Variants in INPP4A observed in about 807,000 individuals in gnomAD.
INPP4A encodes the protein inositol polyphosphate-4-phosphatase type I A, also known as inositol polyphosphate-4-phosphatase, type I, 107kD.
A neutral mutation model predicts 119.8 loss-of-function variants in INPP4A; 33 were observed. The ratio of observed to expected loss-of-function variants is 0.28; its 90% CI spans 0.21 to 0.37. The LOEUF (loss-of-function observed/expected upper bound fraction) is 0.37, where lower values mean the gene tolerates loss of function less well. Ranked by LOEUF, INPP4A falls within the 10% of genes least tolerant of loss-of-function variation. INPP4A has a pLI of 1.00. For synonymous variants in INPP4A, 496 were observed against 500.7 expected, an observed-to-expected ratio of 0.99 and a Z score of 0.12; for missense variants, 956 against 1,289.9, an observed-to-expected ratio of 0.74 and a Z score of 3.97.
In INPP4A at chr2:98,587,695, G is replaced by A; in HGVS notation, c.*87G>A. The stretch of plus-strand genomic sequence containing the variant: ...ATGAATTCTTCAAGAAGACCTGAAG[G>A]ATTGGTTTTTATTTTTTGTGGTTTT... On this transcript the variant is annotated 3_prime_UTR_variant, in exon 25 of 25. Coordinates refer to ENST00000409851, the MANE Select transcript of INPP4A (RefSeq NM_001134225.2). 3.8e-6 allele frequency: 4 copies of A among 1,046,974 alleles called. No homozygotes were observed. In the South Asian group the frequency reaches 5.2e-5, roughly 14 times the overall value. The allele number at this position is 1,046,974 out of a possible 1,614,324, so 64.9% of individuals were successfully genotyped here.
At chr2:98,449,071 G>C (rs1177154493) in intron 1 of INPP4A, among the ~76,000 whole-genome samples, 1 of 152,180 alleles carries the variant, frequency 6.6e-6, no homozygotes, top group African/African-American at 2.4e-5. Flanking sequence ...CTCTGGCCCT[G>C]CTAACTTTGA....
chr2:98,561,264 C>T (rs112166239), intron 17 of INPP4A, among the ~76,000 whole-genome samples: 17 of 152,318 alleles, frequency 1.1e-4, no homozygotes, highest in Non-Finnish European at 1.9e-4. Flanking sequence ...GGGTCAGCGA[C>T]GTCACTCAGG....
chr2:98,536,275 G>C, intron 7 of INPP4A, 67 bp downstream of exon 7: 1 of 968,376 alleles, frequency 1.0e-6, no homozygotes, highest in Non-Finnish European at 1.6e-6. Flanking sequence ...GATGGGGAAA[G>C]GACCCACTTC....
At chr2:98,555,209 T>C (rs1449852177) in intron 15 of INPP4A, among the ~76,000 whole-genome samples, 2 of 152,124 alleles carry the variant, frequency 1.3e-5, no homozygotes, top group Non-Finnish European at 2.9e-5. Context: ...CCATTTTGTC[T>C]GTGTGTGATG....
chr2:98,470,144 C>T (rs1558893593), intron 1 of INPP4A, among the ~76,000 whole-genome samples: 2 of 152,250 alleles, frequency 1.3e-5, no homozygotes, highest in African/African-American at 4.8e-5. Context: ...GAGAAGAACA[C>T]ATGACATGTT....
At chr2:98,447,986 G>C (rs1242247570) in intron 1 of INPP4A, among the ~76,000 whole-genome samples, 2 of 147,668 alleles carry the variant, frequency 1.4e-5, no homozygotes, top group Non-Finnish European at 3.0e-5. Context: ...GGCGGATCTT[G>C]CAGTGAGCAG....
Position 98,591,032 on chromosome 2 carries a change from C to G in INPP4A, c.*3424C>G, listed in dbSNP as rs1380140572. The G allele has an allele frequency of 4.5e-6, 1 of 224,184 alleles. No individual in the cohort carries two copies. Among genetic ancestry groups the G allele is most frequent in the East Asian group, 6.5e-5 (1 of 15,290 alleles). The allele number at this position is 224,184 out of a possible 1,614,324, so 13.9% of individuals were successfully genotyped here. ...TAATATACAATGTATTAGCCCCTGT[C>G]ATATGTTGCACACTTTTTAACCTAT... On this transcript the variant is annotated 3_prime_UTR_variant, in exon 25 of 25. Transcript: ENST00000409851.
chr2:98,565,993 C>T, intron 20 of INPP4A, 36 bp from the exon 21 acceptor site: 1 of 1,589,928 alleles, frequency 6.3e-7, no homozygotes, highest in South Asian at 1.1e-5. Flanking sequence ...GGCCCTCTGG[C>T]CTCACACTGC....
rs180970461 is a variant in INPP4A, at chr2:98,574,987, C to T, written c.2632-2002C>T. On this transcript the variant is annotated intron_variant, in intron 23 of 24. Transcript: ENST00000409851. The stretch of plus-strand genomic sequence containing the variant: ...AGACCCTTGGCTGCATGGGTTCTCA[C>T]GTTGTCCACCGAATCCCAGGCATCC... 3.3e-3 allele frequency among the ~76,000 whole-genome samples: 510 copies of T among 152,290 alleles called. 4 individuals are homozygous for T. The highest frequency in any genetic ancestry group is 0.012 in the African/African-American group (486 of 41,568).
At position 98,587,378 on chromosome 2, in the gene INPP4A, T is replaced by TA. The variant is rs1575206812; in HGVS notation, c.2787-96dup. ...CACCCATTTAAATTAATCTTTTTTT[T>TA]AATGTTATGAAAATGATCAGTTCAT... On this transcript the variant is annotated intron_variant, in intron 24 of 24. Transcript: ENST00000409851. The TA allele has an allele frequency of 2.6e-5, 31 of 1,214,846 alleles. No individual in the cohort carries two copies. In the East Asian group the frequency reaches 8.4e-4, roughly 33 times the overall value. The allele number at this position is 1,214,846 out of a possible 1,614,324, so 75.3% of individuals were successfully genotyped here.
intron 1 of INPP4A, among the ~76,000 whole-genome samples, chr2:98,490,678 A>T (rs1045831848): frequency 6.6e-6 from 1 of 151,700 alleles, no homozygotes; most frequent in Non-Finnish European, 1.5e-5. Context: ...TGAAACTAGG[A>T]CTCCACATCT....
chr2:98,553,212 G>A (rs1029901009), intron 14 of INPP4A, among the ~76,000 whole-genome samples: 2 of 152,198 alleles, frequency 1.3e-5, no homozygotes, highest in African/African-American at 4.8e-5. Context: ...TCAGGCACAT[G>A]TGCCCTTCAG....
chr2:98,537,427 TTGGGCTAATATAAGCCTCAAGGTGGGG>T (rs908806390), intron 7 of INPP4A, among the ~76,000 whole-genome samples: 5 of 152,230 alleles, frequency 3.3e-5, no homozygotes, highest in African/African-American at 1.2e-4. Flanking sequence ...GGCTTAGGCC[TTGGGCTAATATAAGCCTCAAGGTGGGG>T]TGGGAAGGAA....
chr2:98,533,541 A>C, intron 5 of INPP4A, 46 bp downstream of exon 5: 1 of 1,134,524 alleles, frequency 8.8e-7, no homozygotes, highest in Non-Finnish European at 1.3e-6. Context: ...GACATGCTCT[A>C]GTGGTGTCTC....
At chr2:98,587,434 C>CT in intron 24 of INPP4A, 42 bp from the exon 25 acceptor site, 3 of 1,507,082 alleles carry the variant, frequency 2.0e-6, no homozygotes, top group Non-Finnish European at 2.7e-6. Flanking sequence ...TTCTTTTTTC[C>CT]TTTTTTACTG....
At chr2:98,553,030 C>G (rs185197540) in intron 14 of INPP4A, 61 bp downstream of exon 14, 2 of 1,360,954 alleles carry the variant, frequency 1.5e-6, no homozygotes, top group African/African-American at 1.4e-5. Flanking sequence ...TGGAAGCCAC[C>G]AGGCAGCCCA....
chr2:98,520,533 T>C (rs1686989537), intron 3 of INPP4A, among the ~76,000 whole-genome samples, 154 bp from the exon 4 acceptor site: 1 of 152,074 alleles, frequency 6.6e-6, no homozygotes, highest in Non-Finnish European at 1.5e-5. Context: ...TTCTTAGCAA[T>C]CTCAAAAACA....
At chr2:98,528,781 A>G (rs1232724691) in intron 4 of INPP4A, among the ~76,000 whole-genome samples, 2 of 152,170 alleles carry the variant, frequency 1.3e-5, no homozygotes. Context: ...AAAGACAACC[A>G]AGAATTTTCT....
At chr2:98,555,353 G>A (rs778189598) in intron 15 of INPP4A, among the ~76,000 whole-genome samples, 200 bp from the exon 16 acceptor site, 2 of 152,216 alleles carry the variant, frequency 1.3e-5, no homozygotes, top group African/African-American at 4.8e-5. Flanking sequence ...AACAATGGCC[G>A]CAGGACATCG....
Sources: allele counts gnomAD v4.1 joint callset (sites outside exome capture counted in the v4.1 genomes callset), GRCh38; gene constraint gnomAD v4.1.1; transcripts MANE v1.5; gene names NCBI Gene and HGNC (gene_info 2026-07-23, HGNC 2026-07-21).